Variants in TMEM117 observed in about 807,000 individuals in gnomAD.
The protein encoded by TMEM117 is transmembrane protein 117.
TMEM117 carries 27 observed loss-of-function variants against 52.4 expected under a neutral mutation model. The ratio of observed to expected loss-of-function variants is 0.51; its 90% CI spans 0.38 to 0.71. The LOEUF is 0.71. Ranked by LOEUF, TMEM117 falls within the 30% of genes least tolerant of loss-of-function variation. The probability of loss-of-function intolerance (pLI) is 0.00; values close to 1 mark genes in which losing one functional copy is unlikely to be tolerated. For synonymous variants in TMEM117, 215 were observed against 206.3 expected (o/e 1.04, Z -0.36); for missense variants, 556 against 630.5 (o/e 0.88, Z 1.26).
At chr12:44,379,876 A>ATTGTTCTCCTCC (rs1951996081) in intron 7 of TMEM117, among the ~76,000 whole-genome samples, 1 of 152,180 alleles carries the variant, frequency 6.6e-6, no homozygotes, top group African/African-American at 2.4e-5. Context: ...GTTATTAAGC[A>ATTGTTCTCCTCC]TAAAACCCTC....
At chr12:44,103,217 A>G (rs1947893812) in intron 3 of TMEM117, among the ~76,000 whole-genome samples, 1 of 150,994 alleles carries the variant, frequency 6.6e-6, no homozygotes, top group Non-Finnish European at 1.5e-5. Context: ...TTCTCAGCAT[A>G]ACTCCATATC....
intron 5 of TMEM117, among the ~76,000 whole-genome samples, chr12:44,231,553 A>G (rs1228656758): frequency 6.6e-6 from 1 of 151,894 alleles, no homozygotes; most frequent in East Asian, 1.9e-4. Context: ...TAATCTCTAC[A>G]GCTTTCTGGA....
At chr12:43,832,223 G>C (rs1290037521), upstream of TMEM117, among the ~76,000 whole-genome samples, 6 of 152,198 alleles carry the variant, frequency 3.9e-5, no homozygotes, top group Non-Finnish European at 8.8e-5. Flanking sequence ...TCACCACCTG[G>C]CTACTGGGCC....
chr12:43,974,218 C>G (rs1002791379), intron 3 of TMEM117, among the ~76,000 whole-genome samples: 1 of 152,068 alleles, frequency 6.6e-6, no homozygotes, highest in Non-Finnish European at 1.5e-5. Context: ...AGTAGTGGCA[C>G]GTTATTGTTT....
chr12:43,805,309 A>C, the TMEM117 span, among the ~76,000 whole-genome samples: 3 of 151,732 alleles, frequency 2.0e-5, no homozygotes, highest in African/African-American at 4.8e-5. Flanking sequence ...TAAATAAAAC[A>C]AAGTTTTCAG....
chr12:44,202,092 TA>T (rs1171188455), intron 4 of TMEM117, among the ~76,000 whole-genome samples: 6 of 151,630 alleles, frequency 4.0e-5, no homozygotes, highest in African/African-American at 1.5e-4. Context: ...AATATGTTAA[TA>T]GGAAAAATAA....
chr12:43,965,827 G>A (rs1945476502), intron 3 of TMEM117, among the ~76,000 whole-genome samples: 1 of 152,054 alleles, frequency 6.6e-6, no homozygotes, highest in African/African-American at 2.4e-5. Flanking sequence ...CTGAGGTTTC[G>A]GGTATGATTG....
intron 6 of TMEM117, among the ~76,000 whole-genome samples, chr12:44,320,807 T>C (rs1354697623): frequency 6.6e-6 from 1 of 152,254 alleles, no homozygotes; most frequent in Non-Finnish European, 1.5e-5. Flanking sequence ...TATTTTACTC[T>C]TCCATTTAAA....
chr12:44,023,155 C>G (rs1215562122), intron 3 of TMEM117, among the ~76,000 whole-genome samples: 1 of 152,180 alleles, frequency 6.6e-6, no homozygotes. Flanking sequence ...GACATGAACT[C>G]TTCATTTTTT....
At chr12:43,870,609 C>A (rs1416718335) in intron 2 of TMEM117, among the ~76,000 whole-genome samples, 1 of 151,932 alleles carries the variant, frequency 6.6e-6, no homozygotes, top group Non-Finnish European at 1.5e-5. Flanking sequence ...TGGGTATATA[C>A]CCAGTTATAT....
At chr12:44,338,968 C>G (rs1951379695) in intron 6 of TMEM117, among the ~76,000 whole-genome samples, 1 of 152,050 alleles carries the variant, frequency 6.6e-6, no homozygotes, top group South Asian at 2.1e-4. Flanking sequence ...GCTGCTGCAT[C>G]AGCTGTGATT....
chr12:43,975,773 T>C (rs1393521350), intron 3 of TMEM117, among the ~76,000 whole-genome samples: 1 of 152,196 alleles, frequency 6.6e-6, no homozygotes, highest in Non-Finnish European at 1.5e-5. Flanking sequence ...CTTTTATCCA[T>C]TAAACAAAGG....
chr12:44,098,951 G>C (rs920136080), intron 3 of TMEM117, among the ~76,000 whole-genome samples: 4 of 152,022 alleles, frequency 2.6e-5, no homozygotes, highest in African/African-American at 9.7e-5. Flanking sequence ...GGTATGGCTG[G>C]CAAAGGGCCA....
chr12:44,212,650 A>C lies in TMEM117; in HGVS notation c.608+1263A>C, dbSNP rs188081853. 4.9e-3 allele frequency among the ~76,000 whole-genome samples: 745 copies of C among 152,270 alleles called. 4 individuals are homozygous for C. Among genetic ancestry groups the C allele is most frequent in the African/African-American group, 0.016 (679 of 41,558 alleles). ...ATACTATCCAGGACTTCAAGTATCC[A>C]CTGGGGGTCTTGGAATGTACGCCCA... On this transcript the variant is annotated intron_variant, in intron 5 of 7. Coordinates refer to ENST00000266534, the MANE Select transcript of TMEM117 (RefSeq NM_032256.3).
chr12:44,352,742 G>T (rs1476002528), intron 6 of TMEM117, among the ~76,000 whole-genome samples: 1 of 152,038 alleles, frequency 6.6e-6, no homozygotes, highest in Non-Finnish European at 1.5e-5. Flanking sequence ...TATGAATAGT[G>T]CTGCAATAAA....
At chr12:43,998,076 A>C (rs936693234) in intron 3 of TMEM117, among the ~76,000 whole-genome samples, 2 of 152,276 alleles carry the variant, frequency 1.3e-5, no homozygotes, top group East Asian at 3.9e-4. Context: ...ATAAGTCCAA[A>C]TCAGTGTTTA....
chr12:44,270,824 AAG>A (rs903619703), intron 5 of TMEM117, among the ~76,000 whole-genome samples: 3 of 152,080 alleles, frequency 2.0e-5, no homozygotes, highest in Middle Eastern at 6.3e-3. Flanking sequence ...TTTAATCATA[AAG>A]AGTTGCTGGA....
intron 2 of TMEM117, among the ~76,000 whole-genome samples, chr12:43,882,071 CA>C (rs909902953): frequency 2.9e-4 from 44 of 150,712 alleles, no homozygotes; most frequent in Non-Finnish European, 4.9e-4. Context: ...GACTCCGTCT[CA>C]AAAAAAACAA....
intron 5 of TMEM117, among the ~76,000 whole-genome samples, chr12:44,250,289 T>C (rs1950181177): frequency 6.6e-6 from 1 of 152,120 alleles, no homozygotes; most frequent in Non-Finnish European, 1.5e-5. Flanking sequence ...CACAGTGAAA[T>C]ACCAGTTCGC....
Sources: gnomAD v4.1 joint callset for allele counts (sites outside exome capture counted in the v4.1 genomes callset) on GRCh38, gnomAD v4.1.1 for gene constraint, MANE v1.5 for transcripts, NCBI Gene and HGNC (gene_info 2026-07-23, HGNC 2026-07-21) for gene names.